HCN2: variants seen among roughly 807,000 people sequenced by gnomAD.
HCN2 encodes hyperpolarization activated cyclic nucleotide gated potassium and sodium channel 2, also known as potassium/sodium hyperpolarization-activated cyclic nucleotide-gated channel 2.
HCN2 carries 20 observed loss-of-function variants against 52.3 expected under a neutral mutation model. The observed-to-expected ratio is 0.38, with a 90% CI of 0.27 to 0.56. The LOEUF (loss-of-function observed/expected upper bound fraction) is 0.56. Ranked by LOEUF, HCN2 falls within the 20% of genes least tolerant of loss-of-function variation. The pLI, the probability that HCN2 is intolerant of heterozygous loss-of-function variation, is 0.71. For synonymous variants in HCN2, 694 were observed against 537.0 expected, an observed-to-expected ratio of 1.29 and a Z score of -4.04; for missense variants, 981 against 1,207.7, an observed-to-expected ratio of 0.81 and a Z score of 2.78.
At chr19:607,294 A>G (rs1983457306) in intron 3 of HCN2, among the ~76,000 whole-genome samples, 1 of 152,282 alleles carries the variant, frequency 6.6e-6, no homozygotes, top group Non-Finnish European at 1.5e-5. Context: ...GTTAGTGGCC[A>G]GTGAGCCTTT....
chr19:603,867 C>G lies in HCN2; in HGVS notation c.956C>G (p.Thr319Arg). 6.2e-7 allele frequency: 1 copy of G among 1,612,552 alleles called. No homozygotes were observed. Among genetic ancestry groups the G allele is most frequent in the Non-Finnish European group, 8.5e-7 (1 of 1,179,838 alleles). The change falls in exon 2 of 8, where the codon ACG becomes AGG. Residue 319 changes from threonine to arginine, a missense_variant. This residue lies in a region of HCN2 where 282 missense variants were observed against 553.8 expected (regional missense o/e 0.51). Coordinates refer to ENST00000251287, the MANE Select transcript of HCN2 (RefSeq NM_001194.4). The part of the protein sequence containing the change: ...EKGIDSEVYK[T>R]ARALRIVRFT... Reference sequence around the variant, plus strand: ...GGCATTGACTCCGAGGTCTACAAGACGGCACGCGCCCTGCGCATCGTGCGC... The same window carrying G: ...GGCATTGACTCCGAGGTCTACAAGAGGGCACGCGCCCTGCGCATCGTGCGC...
chr19:593,017 C>G (rs942403504), intron 1 of HCN2, among the ~76,000 whole-genome samples: 3 of 152,140 alleles, frequency 2.0e-5, no homozygotes, highest in Non-Finnish European at 2.9e-5. Context: ...GCCAGTGTCT[C>G]AGCCTCACGT....
chr19:590,410 G>T lies in HCN2; in HGVS notation c.465G>T (p.Pro155=), dbSNP rs765384588. The change falls in exon 1 of 8, where the codon CCG becomes CCT. Residue 155 remains proline (P), a synonymous_variant. Coordinates refer to ENST00000251287, the MANE Select transcript of HCN2 (RefSeq NM_001194.4). This position sits in a 1 kb window ranked among gnomAD's most constrained non-coding sequence, Gnocchi z 7.2. The part of the protein sequence containing the change: ...GSEEAGPAGE[P]RGSQASFMQR... ...AGGAGGCGGGCCCGGCGGGGGAGCC[G>T]CGCGGCAGCCAGGCCAGCTTCATGC... The T allele has an allele frequency of 7.3e-7, 1 of 1,363,936 alleles. No individual in the cohort carries two copies. Among genetic ancestry groups the T allele is most frequent in the Admixed American group, 2.4e-5 (1 of 41,452 alleles). 84.5% of individuals were successfully genotyped at this position (1,363,936 alleles called of 1,614,324 possible). A position where few individuals can be genotyped will look rare whatever the true frequency, so the allele number is the denominator to read the frequency against.
chr19:614,573 C>T (rs1363315733), intron 7 of HCN2, among the ~76,000 whole-genome samples: 2 of 152,162 alleles, frequency 1.3e-5, no homozygotes, highest in Non-Finnish European at 2.9e-5. Context: ...GGACACAGCA[C>T]ATCCCAAGGC....
chr19:609,373 GC>G (rs527829147), intron 4 of HCN2, among the ~76,000 whole-genome samples: 4 of 152,314 alleles, frequency 2.6e-5, no homozygotes, highest in Non-Finnish European at 5.9e-5. Flanking sequence ...AAGGGCCAGA[GC>G]CCCCGGGAAG....
chr19:600,466 G>A (rs1296257763), intron 1 of HCN2, among the ~76,000 whole-genome samples: 4 of 152,046 alleles, frequency 2.6e-5, no homozygotes, highest in Non-Finnish European at 4.4e-5. Flanking sequence ...TCAGCCTCCC[G>A]AGTAGCTGGG....
In HCN2 at chr19:599,847, CGTGTGTGTGTGTGTGTGTGTGT is replaced by C. The variant is rs34793549; in HGVS notation, c.633-3668_633-3647del. ...TTGGTACAGGGATGGGAAGGGGTCCCGTGTGTGTGTGTGTGTGTGTGTGTGTGTGTGTGTGTGTGTGTGTGTG... is the reference window on the plus strand; with the variant it reads ...TTGGTACAGGGATGGGAAGGGGTCCCGTGTGTGTGTGTGTGTGTGTGTGTG... On this transcript the variant is annotated intron_variant, in intron 1 of 7. Coordinates refer to ENST00000251287, the MANE Select transcript of HCN2 (RefSeq NM_001194.4). Among the ~76,000 whole-genome samples the C allele has an allele frequency of 2.9e-3, 392 of 133,404 alleles. 4 individuals carry two copies. The highest frequency in any genetic ancestry group is 0.011 in the African/African-American group (370 of 34,484). The allele number at this position is 133,404 out of a possible 152,430, so 87.5% of individuals were successfully genotyped here.
In HCN2 at chr19:616,585, CGA is replaced by C. The variant is rs1251410595; in HGVS notation, c.*114_*115del. ...CGCCAGTCCGCCCAGAAGCCATAGA[CGA>C]GACGTAGGTAGCCGTAGTTGGACGG... On this transcript the variant is annotated 3_prime_UTR_variant, in exon 8 of 8. Transcript: ENST00000251287. 4.7e-6 allele frequency: 3 copies of C among 636,580 alleles called. No homozygotes were observed. The highest frequency in any genetic ancestry group is 6.3e-6 in the Non-Finnish European group (3 of 478,766). 39.4% of individuals were successfully genotyped at this position (636,580 alleles called of 1,614,324 possible).
rs936009807 is a variant in HCN2 at position 616,883 on chromosome 19, C to A, written c.*409C>A. ...TTTCTAAGTGCAATACTTGGCCCGC[C>A]GGCTTCCCGCTGCCCCCATCGCGCT... On this transcript the variant is annotated 3_prime_UTR_variant, in exon 8 of 8. Transcript: ENST00000251287. 17 of 259,264 alleles carry A rather than the reference C, an allele frequency of 6.6e-5. No homozygotes were observed. The highest frequency in any genetic ancestry group is 1.1e-4 in the Non-Finnish European group (15 of 135,590). The allele number at this position is 259,264 out of a possible 1,614,324, so 16.1% of individuals were successfully genotyped here. A position where few individuals can be genotyped will look rare whatever the true frequency, so the allele number is the denominator to read the frequency against.
At chr19:601,452 C>T (rs930903908) in intron 1 of HCN2, among the ~76,000 whole-genome samples, 9 of 152,182 alleles carry the variant, frequency 5.9e-5, no homozygotes, top group African/African-American at 1.9e-4. Flanking sequence ...GTTTGTCCCT[C>T]CGTTTGGTGA....
In HCN2 at chr19:613,427, G is replaced by A. The variant is rs780146863; in HGVS notation, c.1764G>A (p.Val588=). Residue 588 remains valine, a synonymous_variant, in exon 6 of 8, where the codon GTG becomes GTA. Transcript: ENST00000251287. ...GKKMYFIQHG[V]VSVLTKGNKE... Reference sequence around the variant, plus strand: ...AGATGTACTTCATCCAGCACGGCGTGGTCAGCGTGCTCACTAAGGGCAACA... The same window carrying A: ...AGATGTACTTCATCCAGCACGGCGTAGTCAGCGTGCTCACTAAGGGCAACA... The A allele has an allele frequency of 2.5e-6, 4 of 1,611,802 alleles. No homozygotes were observed. Among genetic ancestry groups the A allele is most frequent in the African/African-American group, 2.7e-5 (2 of 74,534 alleles).
intron 1 of HCN2, among the ~76,000 whole-genome samples, chr19:596,945 C>G (rs1983049043): frequency 6.6e-6 from 1 of 152,154 alleles, no homozygotes; most frequent in African/African-American, 2.4e-5. Flanking sequence ...CAGTGACGCC[C>G]TGCAGGGCTC....
At chr19:597,105 C>A (rs1275596772) in intron 1 of HCN2, among the ~76,000 whole-genome samples, 1 of 152,214 alleles carries the variant, frequency 6.6e-6, no homozygotes, top group East Asian at 1.9e-4. Flanking sequence ...GCAGGCCCAG[C>A]CCCACAAGGG....
intron 3 of HCN2, 49 bp downstream of exon 3, chr19:605,271 G>C (rs1424100291): frequency 2.5e-6 from 4 of 1,587,498 alleles, no homozygotes; most frequent in Non-Finnish European, 3.4e-6. Flanking sequence ...CTCCCATACA[G>C]AGGGGGGACC....
Position 607,951 on chromosome 19 carries a change from G to C in HCN2, c.1219-13G>C. The C allele has an allele frequency of 6.2e-7, 1 of 1,601,328 alleles. No individual in the cohort carries two copies. The highest frequency in any genetic ancestry group is 8.5e-7 in the Non-Finnish European group (1 of 1,172,322). ...GCACCTGCCCACCACCGCCCCTCCT[G>C]CTGGCCTTGCAGAACCACTCGTGGA... On this transcript the variant is annotated splice_polypyrimidine_tract_variant and intron_variant, in intron 3 of 7. Transcript: ENST00000251287.
In HCN2 at chr19:616,432, C is replaced by G. The variant is rs750216734; in HGVS notation, c.2628C>G (p.Asp876Glu). ...SASPGAAGGL[D>E]PQDSARSRLS... Reference sequence around the variant, plus strand: ...CACCCGGCGCCGCCGGCGGCCTGGACCCCCAGGACTCCGCGCGCTCGCGCC... The same window carrying G: ...CACCCGGCGCCGCCGGCGGCCTGGAGCCCCAGGACTCCGCGCGCTCGCGCC... Residue 876 changes from aspartate to glutamate, a missense_variant, in exon 8 of 8, where the codon GAC becomes GAG. Asp to Glu is a conservative substitution (Grantham distance 45, BLOSUM62 2). Coordinates refer to ENST00000251287, the MANE Select transcript of HCN2 (RefSeq NM_001194.4). 8 of 1,246,172 alleles carry G rather than the reference C, an allele frequency of 6.4e-6. No individual in the cohort carries two copies. In the South Asian group the frequency reaches 1.5e-4, roughly 24 times the overall value. The allele number at this position is 1,246,172 out of a possible 1,614,324, so 77.2% of individuals were successfully genotyped here.
At chr19:609,719 G>A (rs1305255241) in intron 4 of HCN2, among the ~76,000 whole-genome samples, 4 of 152,048 alleles carry the variant, frequency 2.6e-5, no homozygotes, top group Non-Finnish European at 5.9e-5. Context: ...TGTGCAATAT[G>A]GCGAGACCTC....
At chr19:602,563 G>A (rs376650203) in intron 1 of HCN2, among the ~76,000 whole-genome samples, 2 of 152,154 alleles carry the variant, frequency 1.3e-5, no homozygotes, top group Admixed American at 1.3e-4. Flanking sequence ...AGCTGAGCAC[G>A]GTTCATTTCC....
At position 590,804 on chromosome 19, in the gene HCN2, A is replaced by T. The variant is rs1015699929; in HGVS notation, c.632+227A>T. On this transcript the variant is annotated intron_variant, in intron 1 of 7. Coordinates refer to ENST00000251287, the MANE Select transcript of HCN2 (RefSeq NM_001194.4). This position sits in a 1 kb window ranked among gnomAD's most constrained non-coding sequence, Gnocchi z 7.2. ...GGTGACCGCGGAGCGCCCCCCTCCC[A>T]CGCACCCCGACATCCTCCGCCCTGC... 8.1e-5 allele frequency: 23 copies of T among 285,692 alleles called. No homozygotes were observed. The highest frequency in any genetic ancestry group is 4.7e-4 in the African/African-American group (21 of 44,878). 17.7% of individuals were successfully genotyped at this position (285,692 alleles called of 1,614,324 possible).
Sources: gnomAD v4.1 joint callset for allele counts (sites outside exome capture counted in the v4.1 genomes callset) on GRCh38, gnomAD v4.1.1 for gene constraint, gnomAD v4.1.1 regional missense constraint, Gnocchi (gnomAD v3.1) non-coding constraint, MANE v1.5 for transcripts, NCBI Gene and HGNC (gene_info 2026-07-23, HGNC 2026-07-21) for gene names.